MIGA1: variants seen among roughly 807,000 people sequenced by gnomAD.
MIGA1 encodes mitoguardin 1.
MIGA1 carries 58 observed loss-of-function variants against 82.0 expected under a neutral mutation model. The ratio of observed to expected loss-of-function variants is 0.71; its 90% CI spans 0.57 to 0.88. The LOEUF is 0.88. Among genes scored for constraint, MIGA1 ranks in the 40% least tolerant of loss-of-function variants. MIGA1 has a pLI of 0.00. For missense variants in MIGA1, 751 were observed against 749.1 expected, an observed-to-expected ratio of 1.00 and a Z score of -0.03; for synonymous variants, 249 against 253.6, an observed-to-expected ratio of 0.98 and a Z score of 0.17.
intron 7 of MIGA1, among the ~76,000 whole-genome samples, chr1:77,832,586 C>T (rs780183819): frequency 6.6e-6 from 1 of 152,162 alleles, no homozygotes; most frequent in Non-Finnish European, 1.5e-5. Flanking sequence ...GCTAGGGAGA[C>T]AGTTGAGAAA....
chr1:77,848,288 A>G, intron 8 of MIGA1: 1 of 1,316,632 alleles, frequency 7.6e-7, no homozygotes, highest in Admixed American at 2.0e-5. Context: ...AGATGGGGAG[A>G]AATATTCCCA....
chr1:77,844,617 A>G (rs1267588564), intron 8 of MIGA1, among the ~76,000 whole-genome samples: 1 of 152,138 alleles, frequency 6.6e-6, no homozygotes, highest in Admixed American at 6.6e-5. Context: ...TTATCTCAGA[A>G]TATTTGCATT....
intron 5 of MIGA1, among the ~76,000 whole-genome samples, chr1:77,807,901 C>G (rs1006380202): frequency 1.3e-5 from 2 of 152,162 alleles, no homozygotes; most frequent in African/African-American, 4.8e-5. Flanking sequence ...TCACCGCAAC[C>G]TCCACCTCCC....
chr1:77,859,057 G>T lies in MIGA1; in HGVS notation c.1115+1G>T. On this transcript the variant is annotated splice_donor_variant, in intron 9 of 15. Coordinates refer to ENST00000370791, the MANE Select transcript of MIGA1 (RefSeq NM_198549.4). LOFTEE classifies it high-confidence loss of function. ...GAAAAATTTACTCCAGAGTACTGAG[G>T]TACCATTTCAGTTTTGTTTATGTTT... The T allele has an allele frequency of 1.3e-6, 2 of 1,543,908 alleles. No homozygotes were observed. The highest frequency in any genetic ancestry group is 1.8e-6 in the Non-Finnish European group (2 of 1,116,136).
rs1646891584 is a variant in MIGA1, at chr1:77,876,049, C to T, written c.*985C>T. 6.6e-6 allele frequency: 1 copy of T among 152,252 alleles called. No individual in the cohort carries two copies. The highest frequency in any genetic ancestry group is 2.4e-5 in the African/African-American group (1 of 41,442). The allele number at this position is 152,252 out of a possible 1,614,324, so 9.4% of individuals were successfully genotyped here. Reference sequence around the variant, plus strand: ...TCGGGAGGCTGACACAGGAGTATTGCTTGAACCCAGGAAGTGGAGGCTGCA... The same window carrying T: ...TCGGGAGGCTGACACAGGAGTATTGTTTGAACCCAGGAAGTGGAGGCTGCA... On this transcript the variant is annotated 3_prime_UTR_variant, in exon 16 of 16. Coordinates refer to ENST00000370791, the MANE Select transcript of MIGA1 (RefSeq NM_198549.4).
In MIGA1 at chr1:77,807,222, C is replaced by T. The variant is rs148559892; in HGVS notation, c.637+121C>T. 2.0e-4 allele frequency: 124 copies of T among 630,646 alleles called. No homozygotes were observed. The highest frequency in any genetic ancestry group is 9.4e-4 in the African/African-American group (51 of 54,058). The allele number at this position is 630,646 out of a possible 1,614,324, so 39.1% of individuals were successfully genotyped here. A position where few individuals can be genotyped will look rare whatever the true frequency, so the allele number is the denominator to read the frequency against. ...TGTCACCCAGGCTGGAGTACGGTGG[C>T]GCGATTACTGCTCATTGCAGCCTCA... On this transcript the variant is annotated intron_variant, in intron 5 of 15. Coordinates refer to ENST00000370791, the MANE Select transcript of MIGA1 (RefSeq NM_198549.4).
At chr1:77,826,819 T>C (rs1293290185) in intron 7 of MIGA1, among the ~76,000 whole-genome samples, 2 of 151,992 alleles carry the variant, frequency 1.3e-5, no homozygotes, top group Non-Finnish European at 2.9e-5. Context: ...CTTTTTTTTT[T>C]TCTGAGATGG....
intron 5 of MIGA1, among the ~76,000 whole-genome samples, chr1:77,808,113 C>T (rs1160552357): frequency 6.6e-6 from 1 of 151,746 alleles, no homozygotes; most frequent in Non-Finnish European, 1.5e-5. Context: ...AGCCACCTCA[C>T]CCAGCCACCT....
At chr1:77,837,128 T>A (rs1054969658) in intron 7 of MIGA1, among the ~76,000 whole-genome samples, 1 of 152,166 alleles carries the variant, frequency 6.6e-6, no homozygotes, top group Non-Finnish European at 1.5e-5. Context: ...AACAGCAATG[T>A]CCAATAGAAA....
intron 15 of MIGA1, among the ~76,000 whole-genome samples, 171 bp from the exon 16 acceptor site, chr1:77,874,675 A>G (rs1211976236): frequency 1.3e-5 from 2 of 152,152 alleles, no homozygotes; most frequent in African/African-American, 2.4e-5. Flanking sequence ...TGAGCCCCCA[A>G]AAAGGAAAGG....
chr1:77,783,259 GAAGA>G lies in MIGA1; in HGVS notation c.106_109del (p.Glu36GlnfsTer2), dbSNP rs1472237570. 1 of 1,592,212 alleles carries G rather than the reference GAAGA, an allele frequency of 6.3e-7. No individual in the cohort carries two copies. The highest frequency in any genetic ancestry group is 1.3e-5 in the African/African-American group (1 of 74,690). ...GAAGATTAGAAGAGGAGCCATGTCA[GAAGA>G]AACAGTAAGTGAATCACAGTTTTCC... is the stretch of plus-strand genomic sequence containing the variant. On this transcript the variant is annotated frameshift_variant, in exon 2 of 16. Coordinates refer to ENST00000370791, the MANE Select transcript of MIGA1 (RefSeq NM_198549.4). LOFTEE classifies it high-confidence loss of function.
chr1:77,793,889 C>G (rs1468422052), intron 2 of MIGA1, among the ~76,000 whole-genome samples: 1 of 149,872 alleles, frequency 6.7e-6, no homozygotes, highest in Non-Finnish European at 1.5e-5. Flanking sequence ...TGGGTTCAAG[C>G]AATTCTCGTG....
intron 4 of MIGA1, among the ~76,000 whole-genome samples, chr1:77,803,716 A>T (rs2101756587): frequency 6.6e-6 from 1 of 152,224 alleles, no homozygotes; most frequent in South Asian, 2.1e-4. Flanking sequence ...AAACAATTGA[A>T]CTTATGGAGA....
At position 77,780,726 on chromosome 1, in the gene MIGA1, A is replaced by G. The variant is rs193285147; in HGVS notation, c.81+990A>G. On this transcript the variant is annotated intron_variant, in intron 1 of 15. Coordinates refer to ENST00000370791, the MANE Select transcript of MIGA1 (RefSeq NM_198549.4). ...TTTGAATAATCATGAAACCCCCTTC[A>G]TGTTTATTTTTATTATGCTTCTGAA... Among the ~76,000 whole-genome samples the G allele has an allele frequency of 3.2e-4, 49 of 151,918 alleles. 2 individuals carry two copies. The East Asian group carries it at 9.5e-3, about 29-fold the overall frequency.
intron 15 of MIGA1, 44 bp from the exon 16 acceptor site, chr1:77,874,802 C>T (rs1236342328): frequency 1.4e-6 from 2 of 1,392,504 alleles, no homozygotes; most frequent in Non-Finnish European, 2.0e-6. Flanking sequence ...CTCAATGTAA[C>T]TTAATTTTGG....
intron 7 of MIGA1, among the ~76,000 whole-genome samples, chr1:77,841,948 ATT>A (rs1176838372): frequency 2.1e-4 from 26 of 121,172 alleles, no homozygotes; most frequent in Non-Finnish European, 2.3e-4. Context: ...ACACCTGGCT[ATT>A]TTTTTTTTTT....
In MIGA1 at chr1:77,813,713, TG is replaced by T. The variant is rs772543113; in HGVS notation, c.638-20del. 3.1e-6 allele frequency: 5 copies of T among 1,610,400 alleles called. No individual in the cohort carries two copies. In the African/African-American group the frequency reaches 6.7e-5, roughly 22 times the overall value. ...GGCATTGATTTTGCTCAGTTAAAAT[TG>T]TTCTGTTCTTAATTTTTAGGTATGG... On this transcript the variant is annotated intron_variant, in intron 5 of 15. Transcript: ENST00000370791.
intron 1 of MIGA1, among the ~76,000 whole-genome samples, chr1:77,780,917 T>C (rs1203021604): frequency 2.0e-5 from 3 of 150,420 alleles, no homozygotes; most frequent in Admixed American, 6.6e-5. Context: ...TCTTTTTTTT[T>C]TTTTTTTGAG....
At chr1:77,846,116 G>A (rs1051972364) in intron 8 of MIGA1, among the ~76,000 whole-genome samples, 2 of 151,820 alleles carry the variant, frequency 1.3e-5, no homozygotes, top group Non-Finnish European at 2.9e-5. Context: ...ACAAACCCCT[G>A]CCCAATAGCA....
Sources: allele counts gnomAD v4.1 joint callset (sites outside exome capture counted in the v4.1 genomes callset), GRCh38; gene constraint gnomAD v4.1.1; transcripts MANE v1.5; gene names NCBI Gene and HGNC (gene_info 2026-07-23, HGNC 2026-07-21).